Variants in ASIC2 observed in about 807,000 individuals in gnomAD.
ASIC2 encodes the protein acid-sensing ion channel 2.
In ASIC2, 25 loss-of-function variants were observed where a neutral mutation model predicts 57.3. The observed-to-expected ratio is 0.44, with a 90% CI of 0.32 to 0.61. The LOEUF is 0.61. Ranked by LOEUF, ASIC2 falls within the 20% of genes least tolerant of loss-of-function variation. ASIC2 has a pLI of 0.06. For missense variants in ASIC2, 641 were observed against 738.1 expected, an observed-to-expected ratio of 0.87 and a Z score of 1.52; for synonymous variants, 319 against 307.5, an observed-to-expected ratio of 1.04 and a Z score of -0.39.
intron 1 of ASIC2, among the ~76,000 whole-genome samples, chr17:33,808,214 T>A (rs190053301): frequency 6.6e-6 from 1 of 152,254 alleles, no homozygotes; most frequent in Non-Finnish European, 1.5e-5. Context: ...TTGTGAACAG[T>A]GTGAGGTCTG....
At chr17:33,957,999 C>T (rs761286839) in intron 1 of ASIC2, among the ~76,000 whole-genome samples, 6 of 152,234 alleles carry the variant, frequency 3.9e-5, no homozygotes, top group Admixed American at 1.3e-4. Flanking sequence ...ACAAAAGGGG[C>T]TACAGGCCCC....
intron 1 of ASIC2, among the ~76,000 whole-genome samples, chr17:33,694,487 C>A (rs1460027548): frequency 2.0e-5 from 3 of 152,126 alleles, no homozygotes; most frequent in Non-Finnish European, 4.4e-5. Flanking sequence ...TGTTTTTATT[C>A]ATGTTGTTTC....
intron 1 of ASIC2, among the ~76,000 whole-genome samples, chr17:33,714,954 A>AG (rs1909166522): frequency 1.3e-5 from 2 of 148,224 alleles, no homozygotes; most frequent in South Asian, 4.3e-4. Flanking sequence ...AGCAGCTGGG[A>AG]CTACAGGCTC....
intron 1 of ASIC2, among the ~76,000 whole-genome samples, chr17:33,839,223 A>G (rs1913356777): frequency 6.6e-6 from 1 of 152,222 alleles, no homozygotes; most frequent in South Asian, 2.1e-4. Context: ...GAAATGCTCC[A>G]GAAGCAATCA....
intron 1 of ASIC2, among the ~76,000 whole-genome samples, chr17:33,113,166 T>A (rs2092266509): frequency 6.6e-6 from 1 of 152,208 alleles, no homozygotes; most frequent in Non-Finnish European, 1.5e-5. Flanking sequence ...TGCAGAGATC[T>A]TTGTCCAAGT....
intron 1 of ASIC2, among the ~76,000 whole-genome samples, chr17:33,753,936 C>A (rs894294288): frequency 4.6e-5 from 7 of 152,122 alleles, no homozygotes; most frequent in Admixed American, 2.6e-4. Context: ...CACACTAATG[C>A]CTGTTGTTAA....
intron 1 of ASIC2, among the ~76,000 whole-genome samples, chr17:33,378,982 A>G (rs987254180): frequency 6.6e-6 from 1 of 152,236 alleles, no homozygotes; most frequent in Non-Finnish European, 1.5e-5. Context: ...CAGGGTTAGT[A>G]TCATGATTAA....
intron 1 of ASIC2, among the ~76,000 whole-genome samples, chr17:33,245,690 A>G (rs1908664415): frequency 6.6e-6 from 1 of 152,156 alleles, no homozygotes; most frequent in African/African-American, 2.4e-5. Flanking sequence ...GAGGAGCTGG[A>G]AGAGCATCAG....
upstream of ASIC2, among the ~76,000 whole-genome samples, chr17:33,294,786 C>G (rs530164743): frequency 6.6e-6 from 1 of 152,272 alleles, no homozygotes; most frequent in Admixed American, 6.5e-5. Flanking sequence ...TCTCACTCAT[C>G]TGGGGAAAAA....
At chr17:33,552,734 T>A (rs766492072) in intron 1 of ASIC2, among the ~76,000 whole-genome samples, 2 of 152,236 alleles carry the variant, frequency 1.3e-5, no homozygotes, top group Admixed American at 1.3e-4. Flanking sequence ...GTGCATTTTT[T>A]GAGGTAACAA....
intron 1 of ASIC2, among the ~76,000 whole-genome samples, chr17:33,138,009 CT>C: frequency 1.3e-5 from 2 of 152,268 alleles, no homozygotes; most frequent in Middle Eastern, 6.8e-3. Flanking sequence ...TTTAAAACAT[CT>C]GTCACTTGAT....
At chr17:33,371,923 C>T (rs1029932928) in intron 1 of ASIC2, among the ~76,000 whole-genome samples, 5 of 151,968 alleles carry the variant, frequency 3.3e-5, no homozygotes, top group Admixed American at 3.3e-4. Context: ...TAGGAGCAGA[C>T]GGTGAGGACA....
At chr17:33,840,268 A>C (rs1301817259) in intron 1 of ASIC2, among the ~76,000 whole-genome samples, 1 of 152,188 alleles carries the variant, frequency 6.6e-6, no homozygotes, top group East Asian at 1.9e-4. Context: ...CAGACCACAC[A>C]CCAAGTGTTA....
intron 1 of ASIC2, among the ~76,000 whole-genome samples, chr17:33,338,067 A>T (rs1320132841): frequency 6.6e-6 from 1 of 151,694 alleles, no homozygotes. Context: ...GTTCCTTCTG[A>T]GGTGTTCTGG....
intron 1 of ASIC2, among the ~76,000 whole-genome samples, chr17:33,832,884 A>G (rs1913157840): frequency 6.6e-6 from 1 of 152,236 alleles, no homozygotes. Context: ...TGATTTTTAT[A>G]GTGGAGACTT....
intron 1 of ASIC2, among the ~76,000 whole-genome samples, chr17:33,775,330 G>A (rs2142123516): frequency 6.6e-6 from 1 of 152,284 alleles, no homozygotes. Flanking sequence ...TGACTCCCAG[G>A]CACAGAGGAT....
chr17:34,123,630 A>G (rs1277264906), intron 1 of ASIC2, among the ~76,000 whole-genome samples: 2 of 152,248 alleles, frequency 1.3e-5, no homozygotes, highest in African/African-American at 2.4e-5. Flanking sequence ...GTCCAAATCC[A>G]GCAGCTGTCA....
intron 1 of ASIC2, among the ~76,000 whole-genome samples, chr17:33,459,487 A>G (rs1355614248): frequency 6.6e-6 from 1 of 152,268 alleles, no homozygotes; most frequent in East Asian, 1.9e-4. Flanking sequence ...TCTTAGTTTT[A>G]TTTTCTGAAG....
intron 1 of ASIC2, among the ~76,000 whole-genome samples, chr17:33,258,764 GT>G (rs1909173974): frequency 3.3e-5 from 5 of 152,222 alleles, no homozygotes; most frequent in Admixed American, 2.0e-4. Flanking sequence ...GCTCAGTGAA[GT>G]TAAATAACTT....
Sources: allele counts gnomAD v4.1 joint callset (sites outside exome capture counted in the v4.1 genomes callset), GRCh38; gene constraint gnomAD v4.1.1; transcripts MANE v1.5; gene names NCBI Gene and HGNC (gene_info 2026-07-23, HGNC 2026-07-21).